The following FAM13B variants were observed in gnomAD, a reference collection of about 807,000 sequenced individuals.
FAM13B encodes the protein family with sequence similarity 13 member B.
Under a neutral mutation model 117.3 loss-of-function variants are expected in FAM13B, and 60 were observed. The ratio of observed to expected loss-of-function variants is 0.51; its 90% CI spans 0.42 to 0.63. The LOEUF is 0.63. FAM13B is among the 30% of genes least tolerant of loss of function. FAM13B has a pLI of 0.00. For missense variants in FAM13B, 972 were observed against 1,091.9 expected, an observed-to-expected ratio of 0.89 and a Z score of 1.55; for synonymous variants, 332 against 356.1, an observed-to-expected ratio of 0.93 and a Z score of 0.76.
intron 17 of FAM13B, among the ~76,000 whole-genome samples, chr5:137,950,502 C>A (rs1764658685): frequency 1.3e-5 from 2 of 152,116 alleles, no homozygotes; most frequent in Admixed American, 6.5e-5. Flanking sequence ...GGTGGAAGCC[C>A]ACTGAAGGGC....
chr5:138,025,714 T>C (rs1788187425), intron 1 of FAM13B, among the ~76,000 whole-genome samples: 1 of 152,146 alleles, frequency 6.6e-6, no homozygotes, highest in Non-Finnish European at 1.5e-5. Flanking sequence ...CAAAGTGGTC[T>C]ACAGATTCAA....
intron 14 of FAM13B, among the ~76,000 whole-genome samples, chr5:137,955,507 AT>A (rs78006433): frequency 0.74 from 112,264 of 152,110 alleles, 42,092 homozygotes; most frequent in East Asian, 0.97. Context: ...GTCTTTGCAA[AT>A]ATAATGTTTG....
chr5:137,943,497 A>G (rs569953218), intron 20 of FAM13B, among the ~76,000 whole-genome samples: 159 of 152,382 alleles, frequency 1.0e-3, no homozygotes, highest in African/African-American at 3.7e-3. Context: ...CTGTAATCCC[A>G]GCACTTTGGG....
chr5:137,952,637 G>T lies in FAM13B; in HGVS notation c.1921C>A (p.Gln641Lys). The T allele has an allele frequency of 1.3e-6, 2 of 1,590,370 alleles. No individual in the cohort carries two copies. ...WMTELTKLRK[Q>K]IKDAKHKNSD... The stretch of plus-strand genomic sequence containing the variant: ...ATGGCACATAATATACCTTTAATTT[G>T]CTTCCGCAGTTTTGTAAGCTCTGTC... Residue 641 changes from glutamine to lysine, a missense_variant, in exon 17 of 24, where the codon CAA becomes AAA. Physicochemically the swap from Gln to Lys is moderately conservative, Grantham distance 53. Transcript: ENST00000689681.
chr5:138,044,429 G>A (rs529107600), intron 1 of FAM13B, among the ~76,000 whole-genome samples: 1 of 151,978 alleles, frequency 6.6e-6, no homozygotes, highest in East Asian at 2.0e-4. Context: ...GCACACGCCT[G>A]TAATTCCAGC....
chr5:138,022,378 G>C (rs1410257945), intron 1 of FAM13B, among the ~76,000 whole-genome samples: 1 of 152,116 alleles, frequency 6.6e-6, no homozygotes, highest in African/African-American at 2.4e-5. Flanking sequence ...CTTTTAATAA[G>C]CTCAGTAAAC....
chr5:138,027,488 G>C (rs534977244), intron 1 of FAM13B, among the ~76,000 whole-genome samples: 1 of 152,238 alleles, frequency 6.6e-6, no homozygotes, highest in South Asian at 2.1e-4. Flanking sequence ...ACTAGCTGGG[G>C]CTCCAAATAA....
chr5:137,963,554 A>T (rs1768774257), intron 10 of FAM13B, among the ~76,000 whole-genome samples: 2 of 152,254 alleles, frequency 1.3e-5, no homozygotes, highest in African/African-American at 4.8e-5. Context: ...TATTTTTAAG[A>T]GTATGAATGA....
At chr5:137,983,544 A>G (rs1242548560) in intron 10 of FAM13B, among the ~76,000 whole-genome samples, 2 of 152,184 alleles carry the variant, frequency 1.3e-5, no homozygotes, top group Non-Finnish European at 2.9e-5. Context: ...CTTGGAAGAA[A>G]TAACAGTATA....
intron 7 of FAM13B, among the ~76,000 whole-genome samples, chr5:137,993,187 G>A (rs1469867223): frequency 6.6e-6 from 1 of 152,214 alleles, no homozygotes; most frequent in African/African-American, 2.4e-5. Context: ...AATCACCTTA[G>A]TAGGGAGGGA....
intron 10 of FAM13B, among the ~76,000 whole-genome samples, chr5:137,984,240 G>C (rs1776584626): frequency 6.6e-6 from 1 of 152,132 alleles, no homozygotes; most frequent in African/African-American, 2.4e-5. Context: ...GCAAACACAG[G>C]ATAATACAGA....
At position 138,011,896 on chromosome 5, in the gene FAM13B, T is replaced by A. The variant is rs775138302; in HGVS notation, c.420A>T (p.Gln140His). ...AACTATAATTAACAGGTGGAAGCTG[T>A]TGCAAGAGGAACCTCAACTTTCTTC... ...EFGRKLRFLL[Q>H]QLPPVNYSLL... Residue 140 changes from glutamine (Q) to histidine (H), a missense_variant, in exon 5 of 24, where the codon CAA (glutamine) becomes CAT (histidine). Coordinates refer to ENST00000689681, the MANE Select transcript of FAM13B (RefSeq NM_001385994.1). The A allele has an allele frequency of 1.1e-5, 18 of 1,599,290 alleles. No individual in the cohort carries two copies. Among genetic ancestry groups the A allele is most frequent in the Non-Finnish European group, 1.4e-5 (17 of 1,176,140 alleles).
At chr5:137,949,248 T>C in intron 17 of FAM13B, 64 bp from the exon 18 acceptor site, 2 of 1,179,888 alleles carry the variant, frequency 1.7e-6, no homozygotes. Flanking sequence ...GGTCAAAGAA[T>C]AAGCAAAATA....
intron 16 of FAM13B, 139 bp downstream of exon 16, chr5:137,953,197 G>T: frequency 1.1e-6 from 1 of 901,982 alleles, no homozygotes; most frequent in Non-Finnish European, 1.7e-6. Flanking sequence ...TATAATCTCA[G>T]ATCTACATGA....
intron 13 of FAM13B, among the ~76,000 whole-genome samples, chr5:137,958,404 G>A (rs1767174928): frequency 6.6e-6 from 1 of 151,730 alleles, no homozygotes; most frequent in Non-Finnish European, 1.5e-5. Flanking sequence ...AATTGGCACA[G>A]ACAATGACTT....
chr5:137,943,256 T>A, intron 20 of FAM13B, 40 bp from the exon 21 acceptor site: 1 of 1,511,862 alleles, frequency 6.6e-7, no homozygotes. Flanking sequence ...ACATTTTAAG[T>A]ATTCAAAGTG....
At chr5:137,993,989 T>A (rs1779261781) in intron 7 of FAM13B, among the ~76,000 whole-genome samples, 1 of 152,092 alleles carries the variant, frequency 6.6e-6, no homozygotes, top group South Asian at 2.1e-4. Context: ...AGAATAAAGT[T>A]TAATAAAATT....
chr5:138,037,258 T>C (rs573614766), upstream of FAM13B: 1 of 152,862 alleles, frequency 6.5e-6, no homozygotes, highest in East Asian at 1.9e-4. Flanking sequence ...GGAAAATTAC[T>C]ACTTGAGATA....
chr5:137,950,520 A>G (rs942615359), intron 17 of FAM13B, among the ~76,000 whole-genome samples: 2 of 152,174 alleles, frequency 1.3e-5, no homozygotes, highest in African/African-American at 4.8e-5. Flanking sequence ...GGCTTGAAAA[A>G]GAAAGTAGTA....
Sources: allele counts gnomAD v4.1 joint callset (sites outside exome capture counted in the v4.1 genomes callset), GRCh38; gene constraint gnomAD v4.1.1; transcripts MANE v1.5; gene names NCBI Gene and HGNC (gene_info 2026-07-23, HGNC 2026-07-21).